TRIM25: variants seen among roughly 807,000 people sequenced by gnomAD.
TRIM25 encodes E3 ubiquitin/ISG15 ligase TRIM25.
Under a neutral mutation model 65.2 loss-of-function variants are expected in TRIM25, and 45 were observed. That is an observed-to-expected ratio of 0.69 (90% CI 0.54 to 0.89). The LOEUF is 0.89. Among genes scored for constraint, TRIM25 ranks in the 40% least tolerant of loss-of-function variants. The pLI, the probability that TRIM25 is intolerant of heterozygous loss-of-function variation, is 0.00. For synonymous variants in TRIM25, 321 were observed against 340.4 expected, an observed-to-expected ratio of 0.94 and a Z score of 0.63; for missense variants, 714 against 803.7, an observed-to-expected ratio of 0.89 and a Z score of 1.35.
chr17:56,893,474 C>T (rs903873349), intron 8 of TRIM25, among the ~76,000 whole-genome samples: 23 of 152,198 alleles, frequency 1.5e-4, no homozygotes, highest in African/African-American at 3.6e-4. Flanking sequence ...GCAGGGACAG[C>T]GGAGGGCTAC....
chr17:56,889,962 G>T lies in TRIM25; in HGVS notation c.*1738C>A. 2.5e-6 allele frequency: 1 copy of T among 397,996 alleles called. No homozygotes were observed. The highest frequency in any genetic ancestry group is 4.4e-6 in the Non-Finnish European group (1 of 226,212). 24.7% of individuals were successfully genotyped at this position (397,996 alleles called of 1,614,324 possible). The stretch of plus-strand genomic sequence containing the variant: ...CTCTCCCGAGGAACTGAAAATCCTT[G>T]TTAGGAGATGACACCGATCAGGTAT... On this transcript the variant is annotated 3_prime_UTR_variant, in exon 9 of 9. Coordinates refer to ENST00000316881, the MANE Select transcript of TRIM25 (RefSeq NM_005082.5).
intron 5 of TRIM25, among the ~76,000 whole-genome samples, chr17:56,896,212 A>G (rs1483707913): frequency 2.6e-5 from 4 of 152,194 alleles, no homozygotes; most frequent in Non-Finnish European, 5.9e-5. Context: ...GATTTGAACA[A>G]TGGTAACACA....
chr17:56,895,878 G>T (rs1909282715), intron 6 of TRIM25, 48 bp downstream of exon 6: 1 of 1,606,560 alleles, frequency 6.2e-7, no homozygotes, highest in Non-Finnish European at 8.5e-7. Context: ...TTAGTTCTGT[G>T]CTCGGGCAGT....
rs757254309 is a variant in TRIM25 at position 56,913,921 on chromosome 17, G to A, written c.68C>T (p.Pro23Leu). Residue 23 changes from proline to leucine, a missense_variant, in exon 1 of 9, where the codon CCG (proline) becomes CTG (leucine). Pro to Leu is a moderately conservative substitution (Grantham distance 98). This residue lies in a region of TRIM25 where 291 missense variants were observed against 281.8 expected (regional missense o/e 1.03). Transcript: ENST00000316881. This position sits in a 1 kb window ranked among gnomAD's most constrained non-coding sequence, Gnocchi z 6.1. ...CSICLEPFKE[P>L]VTTPCGHNFC... ...GTTGTGGCCGCACGGAGTGGTGACC[G>A]GCTCCTTGAAGGGCTCCAGGCAGAT... 3.2e-6 allele frequency: 5 copies of A among 1,580,026 alleles called. 1 individual carries two copies. In the Admixed American group the frequency reaches 9.2e-5, roughly 29 times the overall value.
At chr17:56,908,818 T>C in intron 1 of TRIM25, 1 of 448,928 alleles carries the variant, frequency 2.2e-6, no homozygotes, top group Admixed American at 3.4e-5. Context: ...TGTGCAACTG[T>C]GTCCTTCACC....
At chr17:56,903,341 G>A (rs1567840901) in intron 3 of TRIM25, among the ~76,000 whole-genome samples, 2 of 152,218 alleles carry the variant, frequency 1.3e-5, no homozygotes, top group Non-Finnish European at 2.9e-5. Flanking sequence ...AGAGGTTTCA[G>A]TGAGCAAGAT....
intron 8 of TRIM25, among the ~76,000 whole-genome samples, chr17:56,893,746 G>T (rs978229998): frequency 1.3e-5 from 2 of 152,254 alleles, no homozygotes; most frequent in African/African-American, 4.8e-5. Context: ...CAAAGGAGGG[G>T]TGGATGGAAA....
chr17:56,890,932 A>G lies in TRIM25; in HGVS notation c.*768T>C, dbSNP rs1447384110. On this transcript the variant is annotated 3_prime_UTR_variant, in exon 9 of 9. Transcript: ENST00000316881. ...TGCCAAGATGCTTCTTATGATACTTAGGAAGGATTTCCACCCAAACTGGAT... is the reference window on the plus strand; with the variant it reads ...TGCCAAGATGCTTCTTATGATACTTGGGAAGGATTTCCACCCAAACTGGAT... 4.4e-6 allele frequency: 2 copies of G among 456,138 alleles called. No homozygotes were observed. Among genetic ancestry groups the G allele is most frequent in the African/African-American group, 2.0e-5 (1 of 50,074 alleles). 28.3% of individuals were successfully genotyped at this position (456,138 alleles called of 1,614,324 possible).
Position 56,890,063 on chromosome 17 carries a change from G to C in TRIM25, c.*1637C>G. 2.5e-6 allele frequency: 1 copy of C among 399,930 alleles called. No individual in the cohort carries two copies. Among genetic ancestry groups the C allele is most frequent in the Non-Finnish European group, 4.4e-6 (1 of 225,844 alleles). 24.8% of individuals were successfully genotyped at this position (399,930 alleles called of 1,614,324 possible). A position where few individuals can be genotyped will look rare whatever the true frequency, so the allele number is the denominator to read the frequency against. On this transcript the variant is annotated 3_prime_UTR_variant, in exon 9 of 9. Coordinates refer to ENST00000316881, the MANE Select transcript of TRIM25 (RefSeq NM_005082.5). The stretch of plus-strand genomic sequence containing the variant: ...CTGCCTAGAGTGCCCTAGAGTTCCA[G>C]CACGAGGCCTGAGATGCATTACATT...
At chr17:56,893,176 C>T (rs1462240244) in intron 8 of TRIM25, among the ~76,000 whole-genome samples, 1 of 150,142 alleles carries the variant, frequency 6.7e-6, no homozygotes, top group African/African-American at 2.5e-5. Flanking sequence ...AAGGGAAGGG[C>T]TTAGGAGGCT....
At chr17:56,894,747 G>A (rs1444985603) in intron 8 of TRIM25, among the ~76,000 whole-genome samples, 1 of 152,210 alleles carries the variant, frequency 6.6e-6, no homozygotes, top group Non-Finnish European at 1.5e-5. Context: ...ATTCCAGAGA[G>A]CGTGTGGGGA....
rs1381845928 is a variant in TRIM25, at chr17:56,891,942, C to T, written c.1651G>A (p.Val551Met). Reference protein sequence around the residue: ...RLGRNSASWCVEWFNTKISAW... With the variant: ...RLGRNSASWCMEWFNTKISAW... ...GAGATCTTGGTGTTGAACCACTCCA[C>T]GCACCAGGAGGCGCTGTTGCGGCCG... The change falls in exon 9 of 9, where the codon GTG (valine) becomes ATG (methionine). Residue 551 changes from valine (V) to methionine (M), a missense_variant. Val to Met is a conservative substitution (Grantham distance 21). This residue lies in a region of TRIM25 where 413 missense variants were observed against 498.2 expected (regional missense o/e 0.83). Coordinates refer to ENST00000316881, the MANE Select transcript of TRIM25 (RefSeq NM_005082.5). 1.1e-5 allele frequency: 17 copies of T among 1,614,228 alleles called. No homozygotes were observed. Among genetic ancestry groups the T allele is most frequent in the Non-Finnish European group, 1.4e-5 (17 of 1,180,034 alleles).
chr17:56,901,899 C>T (rs774005483), intron 3 of TRIM25, among the ~76,000 whole-genome samples: 5 of 152,174 alleles, frequency 3.3e-5, no homozygotes, highest in Non-Finnish European at 7.4e-5. Flanking sequence ...GTTCTTTCCA[C>T]TTTTCCAGCT....
Position 56,890,570 on chromosome 17 carries a change from T to C in TRIM25, c.*1130A>G, listed in dbSNP as rs1909147275. ...GCTAAAAGACCCCTTTGGTGGTAGGTTGACACCCCAGCAAGTGGCCTAGCA... is the reference window on the plus strand; with the variant it reads ...GCTAAAAGACCCCTTTGGTGGTAGGCTGACACCCCAGCAAGTGGCCTAGCA... On this transcript the variant is annotated 3_prime_UTR_variant, in exon 9 of 9. Transcript: ENST00000316881. The C allele has an allele frequency of 4.4e-6, 2 of 455,430 alleles. No homozygotes were observed. Among genetic ancestry groups the C allele is most frequent in the Non-Finnish European group, 8.8e-6 (2 of 226,852 alleles). The allele number at this position is 455,430 out of a possible 1,614,324, so 28.2% of individuals were successfully genotyped here.
chr17:56,903,324 T>C (rs908887352), intron 3 of TRIM25, among the ~76,000 whole-genome samples: 8 of 152,184 alleles, frequency 5.3e-5, no homozygotes, highest in African/African-American at 1.9e-4. Context: ...CACTTGAGCC[T>C]GGGGGCAGAG....
At position 56,896,386 on chromosome 17, in the gene TRIM25, G is replaced by A. The variant is rs923225914; in HGVS notation, c.1154-434C>T. Among the ~76,000 whole-genome samples the A allele has an allele frequency of 1.3e-5, 2 of 151,976 alleles. 1 individual carries two copies. Among genetic ancestry groups the A allele is most frequent in the African/African-American group, 4.8e-5 (2 of 41,390 alleles). Reference sequence around the variant, plus strand: ...CTTGCCAAGGGCTGGGCGCATGGTGGCTCATGCCTGGAATCCCAGCAATTT... The same window carrying A: ...CTTGCCAAGGGCTGGGCGCATGGTGACTCATGCCTGGAATCCCAGCAATTT... On this transcript the variant is annotated intron_variant, in intron 5 of 8. Coordinates refer to ENST00000316881, the MANE Select transcript of TRIM25 (RefSeq NM_005082.5).
At chr17:56,904,829 G>A (rs989023441) in intron 2 of TRIM25, among the ~76,000 whole-genome samples, 2 of 152,196 alleles carry the variant, frequency 1.3e-5, no homozygotes, top group African/African-American at 2.4e-5. Flanking sequence ...AAGACTGGGA[G>A]CTATTCATAG....
chr17:56,907,799 T>C (rs957060125), intron 2 of TRIM25, among the ~76,000 whole-genome samples: 9 of 152,176 alleles, frequency 5.9e-5, no homozygotes, highest in Non-Finnish European at 1.0e-4. Flanking sequence ...GATCTTGAGA[T>C]TCGATCATCA....
rs1324960488 is a variant in TRIM25 at position 56,891,695 on chromosome 17, C to A, written c.*5G>T. The A allele has an allele frequency of 3.7e-6, 6 of 1,609,286 alleles. No homozygotes were observed. Among genetic ancestry groups the A allele is most frequent in the Non-Finnish European group, 4.2e-6 (5 of 1,176,946 alleles). ...AGGCAGTCAGCCCAAGTGCCTACAG[C>A]CTGCCTACTTGGGGGAGCAGATGGA... On this transcript the variant is annotated 3_prime_UTR_variant, in exon 9 of 9. Coordinates refer to ENST00000316881, the MANE Select transcript of TRIM25 (RefSeq NM_005082.5).
Sources: gnomAD v4.1 joint callset for allele counts (sites outside exome capture counted in the v4.1 genomes callset) on GRCh38, gnomAD v4.1.1 for gene constraint, gnomAD v4.1.1 regional missense constraint, Gnocchi (gnomAD v3.1) non-coding constraint, MANE v1.5 for transcripts, NCBI Gene and HGNC (gene_info 2026-07-23, HGNC 2026-07-21) for gene names.